Variants in FRMD4A observed in about 807,000 individuals in gnomAD.
The protein encoded by FRMD4A is FERM domain containing 4A.
Under a neutral mutation model 129.1 loss-of-function variants are expected in FRMD4A, and 29 were observed. The observed-to-expected ratio is 0.22, with a 90% CI of 0.17 to 0.31. The LOEUF is 0.31. Among genes scored for constraint, FRMD4A ranks in the 10% least tolerant of loss-of-function variants. FRMD4A has a pLI of 1.00. For missense variants in FRMD4A, 1,272 were observed against 1,375.8 expected (o/e 0.92, Z 1.19); for synonymous variants, 634 against 571.6 (o/e 1.11, Z -1.56).
chr10:13,837,575 G>T (rs2093896342), intron 3 of FRMD4A, among the ~76,000 whole-genome samples: 1 of 152,180 alleles, frequency 6.6e-6, no homozygotes, highest in East Asian at 1.9e-4. Flanking sequence ...CTAACAGTTG[G>T]CCAGATGAGG....
At chr10:14,296,094 G>T (rs1200038759) in intron 2 of FRMD4A, among the ~76,000 whole-genome samples, 1 of 152,134 alleles carries the variant, frequency 6.6e-6, no homozygotes, top group Non-Finnish European at 1.5e-5. Flanking sequence ...GCGACGGGGG[G>T]TCTCTGGTCA....
intron 2 of FRMD4A, among the ~76,000 whole-genome samples, chr10:14,324,430 T>C (rs924064007): frequency 1.3e-5 from 2 of 152,174 alleles, no homozygotes; most frequent in African/African-American, 4.8e-5. Flanking sequence ...ACCAGAAAGA[T>C]AGATGATACT....
chr10:13,865,549 C>T (rs2094356101), intron 2 of FRMD4A, among the ~76,000 whole-genome samples: 1 of 151,754 alleles, frequency 6.6e-6, no homozygotes, highest in Non-Finnish European at 1.5e-5. Context: ...CTCCCAGGCT[C>T]AAGCGATCCT....
At chr10:14,162,101 TA>T (rs1219010098) in intron 2 of FRMD4A, among the ~76,000 whole-genome samples, 7 of 151,828 alleles carry the variant, frequency 4.6e-5, no homozygotes, top group African/African-American at 1.7e-4. Context: ...AAAATTAAGG[TA>T]TTTTTTATAT....
At chr10:13,684,094 C>G (rs906874486) in intron 15 of FRMD4A, 4 of 152,726 alleles carry the variant, frequency 2.6e-5, no homozygotes, top group African/African-American at 9.7e-5. Flanking sequence ...GGTCAGTTCT[C>G]CAGCAAAAAA....
At chr10:13,981,283 T>C (rs1436506992) in intron 2 of FRMD4A, among the ~76,000 whole-genome samples, 1 of 152,158 alleles carries the variant, frequency 6.6e-6, no homozygotes, top group Non-Finnish European at 1.5e-5. Flanking sequence ...CAACCAGCCA[T>C]CCAGAATTTA....
At chr10:13,775,205 G>T (rs1169037307) in intron 6 of FRMD4A, among the ~76,000 whole-genome samples, 1 of 152,160 alleles carries the variant, frequency 6.6e-6, no homozygotes, top group African/African-American at 2.4e-5. Flanking sequence ...AACTAAAAAA[G>T]AATGCATGTC....
intron 2 of FRMD4A, among the ~76,000 whole-genome samples, chr10:14,123,553 TG>T (rs778436545): frequency 1.2e-4 from 19 of 152,162 alleles, no homozygotes; most frequent in Non-Finnish European, 2.4e-4. Context: ...GCCACTTAAT[TG>T]GGCAGTCCCC....
At chr10:14,125,403 G>T (rs913879456) in intron 2 of FRMD4A, among the ~76,000 whole-genome samples, 1 of 152,236 alleles carries the variant, frequency 6.6e-6, no homozygotes, top group Admixed American at 6.5e-5. Context: ...ACAACAGGAT[G>T]ACAAGCCTCC....
At chr10:13,853,201 G>A (rs1043779479) in intron 3 of FRMD4A, among the ~76,000 whole-genome samples, 1 of 152,146 alleles carries the variant, frequency 6.6e-6, no homozygotes, top group Non-Finnish European at 1.5e-5. Context: ...CAGAATTGAG[G>A]GGATGGAGAG....
intron 3 of FRMD4A, among the ~76,000 whole-genome samples, chr10:13,824,293 T>C (rs1010417628): frequency 2.8e-4 from 35 of 124,098 alleles, no homozygotes; most frequent in Admixed American, 6.1e-4. Context: ...CTGGCCAACA[T>C]GGTGAAACCC....
intron 2 of FRMD4A, among the ~76,000 whole-genome samples, chr10:14,321,363 T>C (rs1201246632): frequency 6.6e-6 from 1 of 150,998 alleles, no homozygotes; most frequent in Non-Finnish European, 1.5e-5. Context: ...ATATAATTCA[T>C]ATATGTATAT....
chr10:14,212,149 A>G (rs1842949859), intron 2 of FRMD4A, among the ~76,000 whole-genome samples: 1 of 152,120 alleles, frequency 6.6e-6, no homozygotes, highest in African/African-American at 2.4e-5. Context: ...CCTTCTACCC[A>G]GCACCACACC....
chr10:14,165,741 A>G (rs1013645848), intron 2 of FRMD4A, among the ~76,000 whole-genome samples: 1 of 152,236 alleles, frequency 6.6e-6, no homozygotes, highest in African/African-American at 2.4e-5. Context: ...TCTTAAGCAA[A>G]TTAATGCAGA....
chr10:14,243,421 C>T (rs938811570), intron 2 of FRMD4A, among the ~76,000 whole-genome samples: 34 of 152,138 alleles, frequency 2.2e-4, no homozygotes, highest in African/African-American at 7.5e-4. Context: ...CCCCTTCTGC[C>T]ATAGTTTCCT....
chr10:14,163,270 T>C (rs1038506155), intron 2 of FRMD4A, among the ~76,000 whole-genome samples: 2 of 152,224 alleles, frequency 1.3e-5, no homozygotes, highest in African/African-American at 4.8e-5. Context: ...AGTTTCCCCA[T>C]TTATAAAATA....
intron 2 of FRMD4A, among the ~76,000 whole-genome samples, chr10:13,866,927 AAC>A (rs1292821698): frequency 6.6e-6 from 1 of 152,190 alleles, no homozygotes; most frequent in Non-Finnish European, 1.5e-5. Context: ...CAGCCTGGGC[AAC>A]AGAGTGAAAC....
At chr10:14,269,700 A>T (rs1174946804) in intron 2 of FRMD4A, among the ~76,000 whole-genome samples, 1 of 152,218 alleles carries the variant, frequency 6.6e-6, no homozygotes, top group Non-Finnish European at 1.5e-5. Context: ...CAAAGCCCTT[A>T]AGCTTAATCC....
intron 12 of FRMD4A, among the ~76,000 whole-genome samples, chr10:13,731,027 C>CAA (rs11286606): frequency 7.2e-6 from 1 of 139,522 alleles, no homozygotes. Flanking sequence ...GACTCCCTCT[C>CAA]AAAAAAAAAA....
Sources: allele counts gnomAD v4.1 joint callset (sites outside exome capture counted in the v4.1 genomes callset), GRCh38; gene constraint gnomAD v4.1.1; transcripts MANE v1.5; gene names NCBI Gene and HGNC (gene_info 2026-07-23, HGNC 2026-07-21).